The following ARHGEF15 variants were observed in gnomAD, a reference collection of about 807,000 sequenced individuals.
The protein encoded by ARHGEF15 is Rho guanine nucleotide exchange factor 15.
ARHGEF15 carries 58 observed loss-of-function variants against 79.7 expected under a neutral mutation model. That is an observed-to-expected ratio of 0.73 (90% CI 0.59 to 0.91). The LOEUF (loss-of-function observed/expected upper bound fraction) is 0.91, where lower values mean the gene tolerates loss of function less well. Ranked by LOEUF, ARHGEF15 falls within the 40% of genes least tolerant of loss-of-function variation. The pLI is 0.00. For synonymous variants in ARHGEF15, 442 were observed against 456.0 expected (o/e 0.97, Z 0.39); for missense variants, 1,012 against 1,108.1 (o/e 0.91, Z 1.23).
rs1171266003 is a variant in ARHGEF15 at position 8,316,771 on chromosome 17, TTCCTCC to T, written c.1704+635_1704+640del. ...AAAGTTTGAGATTTGAGACACTTTC[TTCCTCC>T]TCCTCCTCCTCTTCTCCATCTCCTT... is the stretch of plus-strand genomic sequence containing the variant. On this transcript the variant is annotated intron_variant, in intron 9 of 15. Transcript: ENST00000361926. 7.2e-5 allele frequency among the ~76,000 whole-genome samples: 11 copies of T among 152,194 alleles called. 1 individual carries two copies. The East Asian group carries it at 2.1e-3, about 29-fold the overall frequency.
In ARHGEF15 at chr17:8,318,775, G is replaced by C; in HGVS notation, c.1898G>C (p.Arg633Pro). ...GCCCTGCCCCTGGTCTCCTGGTCAC[G>C]GCGCCTGGAATTCCAGGGAGAGCTG... ...VKALPLVSWS[R>P]RLEFQGELTE... Residue 633 changes from arginine (R) to proline (P), a missense_variant, in exon 12 of 16, where the codon CGG (arginine) becomes CCG (proline). Around this residue, in one of 3 missense-constraint regions of ARHGEF15, gnomAD observed 818 missense variants for 882.5 expected, o/e 0.93. Transcript: ENST00000361926. This position sits in a 1 kb window ranked among gnomAD's most constrained non-coding sequence, Gnocchi z 5.0. The C allele has an allele frequency of 6.2e-7, 1 of 1,613,172 alleles. No individual in the cohort carries two copies. Among genetic ancestry groups the C allele is most frequent in the Non-Finnish European group, 8.5e-7 (1 of 1,179,906 alleles).
At position 8,319,315 on chromosome 17, in the gene ARHGEF15, A is replaced by G; in HGVS notation, c.2190A>G (p.Ser730=). Residue 730 remains serine (S), a synonymous_variant, in exon 14 of 16, where the codon TCA becomes TCG. Coordinates refer to ENST00000361926, the MANE Select transcript of ARHGEF15 (RefSeq NM_173728.4). ...CACTTCCCAATATCCCCACCAGATC[A>G]GACATGCAGCGCTGGCTGGGAGCCT... ...THRLLQASSL[S]DMQRWLGAFP... The G allele has an allele frequency of 6.2e-7, 1 of 1,613,888 alleles. No homozygotes were observed. The highest frequency in any genetic ancestry group is 8.5e-7 in the Non-Finnish European group (1 of 1,179,938).
chr17:8,312,494 G>T lies in ARHGEF15; in HGVS notation c.455G>T (p.Arg152Met). 6.2e-7 allele frequency: 1 copy of T among 1,613,006 alleles called. No individual in the cohort carries two copies. Among genetic ancestry groups the T allele is most frequent in the Non-Finnish European group, 8.5e-7 (1 of 1,179,640 alleles). The change falls in exon 2 of 16, where the codon AGG (arginine) becomes ATG (methionine). Residue 152 changes from arginine to methionine, a missense_variant. By Grantham distance (91) the Arg-to-Met change is moderately conservative. Around this residue, in one of 3 missense-constraint regions of ARHGEF15, gnomAD observed 818 missense variants for 882.5 expected, o/e 0.93. Coordinates refer to ENST00000361926, the MANE Select transcript of ARHGEF15 (RefSeq NM_173728.4). Reference sequence around the variant, plus strand: ...GCCTCAGCTCCTGGCACTGTGCGGAGGCTGGCTGGCAGGTTTGAAGGGGGT... The same window carrying T: ...GCCTCAGCTCCTGGCACTGTGCGGATGCTGGCTGGCAGGTTTGAAGGGGGT... The part of the protein sequence containing the change: ...GSASAPGTVR[R>M]LAGRFEGGAE...
chr17:8,318,358 G>T lies in ARHGEF15; in HGVS notation c.1705-29G>T. Reference sequence around the variant, plus strand: ...GAATCCCAGGGCCACAGAGCAGGGGGCCCAGTCACCCTTCCTCCTTGTCCC... The same window carrying T: ...GAATCCCAGGGCCACAGAGCAGGGGTCCCAGTCACCCTTCCTCCTTGTCCC... On this transcript the variant is annotated intron_variant, in intron 9 of 15. Transcript: ENST00000361926. The surrounding 1 kb of genome is among the most constrained non-coding windows in gnomAD (Gnocchi z 5.0). The T allele has an allele frequency of 6.2e-7, 1 of 1,607,216 alleles. No individual in the cohort carries two copies. Among genetic ancestry groups the T allele is most frequent in the Non-Finnish European group, 8.5e-7 (1 of 1,176,260 alleles).
In ARHGEF15 at chr17:8,318,278, C is replaced by T. The variant is rs1030939471; in HGVS notation, c.1705-109C>T. On this transcript the variant is annotated intron_variant, in intron 9 of 15. Coordinates refer to ENST00000361926, the MANE Select transcript of ARHGEF15 (RefSeq NM_173728.4). The surrounding 1 kb of genome is among the most constrained non-coding windows in gnomAD (Gnocchi z 5.0). ...GCAGATGGTGAGTGATGAGGTCTGT[C>T]AGCCTTGTTGAAACTGGCTGAAACA... 36 of 1,055,230 alleles carry T rather than the reference C, an allele frequency of 3.4e-5. No individual in the cohort carries two copies. In the African/African-American group the frequency reaches 4.6e-4, roughly 14 times the overall value. 65.4% of individuals were successfully genotyped at this position (1,055,230 alleles called of 1,614,324 possible). A position where few individuals can be genotyped will look rare whatever the true frequency, so the allele number is the denominator to read the frequency against.
intron 2 of ARHGEF15, 127 bp from the exon 3 acceptor site, chr17:8,312,795 G>A: frequency 2.6e-6 from 4 of 1,562,434 alleles, no homozygotes; most frequent in East Asian, 4.5e-5. Flanking sequence ...GAGTCAGGGT[G>A]GAGGAGATCT....
At chr17:8,319,633 T>G in intron 15 of ARHGEF15, 30 bp downstream of exon 15, 2 of 1,461,252 alleles carry the variant, frequency 1.4e-6, no homozygotes, top group Non-Finnish European at 1.8e-6. Flanking sequence ...ATTTATTTTG[T>G]ATTTATTATT....
intron 14 of ARHGEF15, 36 bp from the exon 15 acceptor site, chr17:8,319,463 A>T: frequency 6.3e-7 from 1 of 1,592,208 alleles, no homozygotes; most frequent in Non-Finnish European, 8.6e-7. Flanking sequence ...GGAGAAGCTA[A>T]ACAGAATCAC....
In ARHGEF15 at chr17:8,321,081, TC is replaced by T. The variant is rs1337098726; in HGVS notation, c.*89del. The T allele has an allele frequency of 2.6e-6, 4 of 1,546,816 alleles. No homozygotes were observed. The African/African-American group carries it at 5.4e-5, about 21-fold the overall frequency. ...GCCCATTCATCCATTGGATTCACTG[TC>T]AGTGGAGATACTACCTCTCGTGGCA... On this transcript the variant is annotated 3_prime_UTR_variant, in exon 16 of 16. Transcript: ENST00000361926.
chr17:8,318,465 G>A lies in ARHGEF15; in HGVS notation c.1779+4G>A. 6.2e-7 allele frequency: 1 copy of A among 1,614,078 alleles called. No individual in the cohort carries two copies. On this transcript the variant is annotated splice_donor_region_variant and intron_variant, in intron 10 of 15. Coordinates refer to ENST00000361926, the MANE Select transcript of ARHGEF15 (RefSeq NM_173728.4). The surrounding 1 kb of genome is among the most constrained non-coding windows in gnomAD (Gnocchi z 5.0). ...GGCCCTGGGTGCTGTCAGCAAGGTG[G>A]GCAGTGGGGAAGCTGAAGCAGGGGG... is the stretch of plus-strand genomic sequence containing the variant.
In ARHGEF15 at chr17:8,313,043, C is replaced by A; in HGVS notation, c.723C>A (p.Ala241=). Residue 241 remains alanine (A), a synonymous_variant, in exon 3 of 16, where the codon GCC becomes GCA. Transcript: ENST00000361926. ...YEEVPRVPRR[A]SPLRTSRSRP... ...AGGTCCCCAGGGTCCCCCGTCGGGC[C>A]TCCCCGCTGCGGACCTCTCGCTCCC... The A allele has an allele frequency of 1.2e-6, 2 of 1,613,554 alleles. No individual in the cohort carries two copies. The highest frequency in any genetic ancestry group is 1.7e-6 in the Non-Finnish European group (2 of 1,179,838).
Position 8,315,434 on chromosome 17 carries a change from G to C in ARHGEF15, c.1281G>C (p.Thr427=). The part of the protein sequence containing the change: ...RMQESLFEVV[T]SEASYLRSLR... ...TCTAGAGTCTTTTCGAGGTGGTGAC[G>C]TCCGAGGCTTCCTACCTGCGCTCCC... Residue 427 remains threonine, a synonymous_variant, in exon 7 of 16, where the codon ACG becomes ACC. Transcript: ENST00000361926. The surrounding 1 kb of genome is among the most constrained non-coding windows in gnomAD (Gnocchi z 4.3). 4 of 1,613,916 alleles carry C rather than the reference G, an allele frequency of 2.5e-6. No individual in the cohort carries two copies. Among genetic ancestry groups the C allele is most frequent in the South Asian group, 2.2e-5 (2 of 91,070 alleles).
intron 9 of ARHGEF15, among the ~76,000 whole-genome samples, chr17:8,317,407 G>T (rs763468879): frequency 6.6e-6 from 1 of 152,064 alleles, no homozygotes; most frequent in East Asian, 1.9e-4. Context: ...GTGAATGAGG[G>T]GATCTTTATG....
Position 8,312,326 on chromosome 17 carries a change from G to A in ARHGEF15, c.287G>A (p.Ser96Asn). ...DSQTSPDSPS[S>N]TPTPSPVSRR... ...CAGACTTCCCCAGACTCACCTTCCA[G>A]CACCCCCACACCTAGTCCAGTGTCC... The change falls in exon 2 of 16, where the codon AGC becomes AAC. Residue 96 changes from serine (S) to asparagine (N), a missense_variant. This residue lies in a region of ARHGEF15 where 818 missense variants were observed against 882.5 expected (regional missense o/e 0.93). Transcript: ENST00000361926. The A allele has an allele frequency of 6.4e-7, 1 of 1,571,350 alleles. No individual in the cohort carries two copies. Among genetic ancestry groups the A allele is most frequent in the Non-Finnish European group, 8.6e-7 (1 of 1,159,546 alleles).
chr17:8,312,305 C>T lies in ARHGEF15; in HGVS notation c.266C>T (p.Thr89Ile). 1 of 1,560,772 alleles carries T rather than the reference C, an allele frequency of 6.4e-7. No homozygotes were observed. The highest frequency in any genetic ancestry group is 8.7e-7 in the Non-Finnish European group (1 of 1,152,794). Residue 89 changes from threonine (T) to isoleucine (I), a missense_variant, in exon 2 of 16, where the codon ACT (threonine) becomes ATT (isoleucine). Transcript: ENST00000361926. ...SASRASLDSQ[T>I]SPDSPSSTPT... ...TCTAGAGCCAGCCTCGACTCCCAGA[C>T]TTCCCCAGACTCACCTTCCAGCACC...
At chr17:8,320,008 G>A (rs763236568) in intron 15 of ARHGEF15, among the ~76,000 whole-genome samples, 2 of 150,338 alleles carry the variant, frequency 1.3e-5, no homozygotes, top group Admixed American at 6.6e-5. Flanking sequence ...TTGAACTCCC[G>A]AGCTCAAGTG....
rs770046438 is a variant in ARHGEF15, at chr17:8,313,550, G to C, written c.984G>C (p.Glu328Asp). The C allele has an allele frequency of 3.1e-6, 5 of 1,613,528 alleles. No individual in the cohort carries two copies. The South Asian group carries it at 4.4e-5, about 14-fold the overall frequency. ...AGAATACTCCTCCAGCAACTGTGGA[G>C]GGGAGGTACTGAACACCCCCACCCC... is the stretch of plus-strand genomic sequence containing the variant. ...APQNTPPATV[E>D]GREEEGLEVL... is the part of the protein sequence containing the mutation. The change falls in exon 4 of 16, where the codon GAG (glutamate) becomes GAC (aspartate). Residue 328 changes from glutamate to aspartate, a missense_variant. Around this residue, in one of 3 missense-constraint regions of ARHGEF15, gnomAD observed 818 missense variants for 882.5 expected, o/e 0.93. Coordinates refer to ENST00000361926, the MANE Select transcript of ARHGEF15 (RefSeq NM_173728.4).
intron 4 of ARHGEF15, 79 bp from the exon 5 acceptor site, chr17:8,314,827 G>T: frequency 6.4e-7 from 1 of 1,572,500 alleles, no homozygotes; most frequent in African/African-American, 1.4e-5. Context: ...GGGTTGCCCT[G>T]TCCAGCATGA....
At position 8,320,823 on chromosome 17, in the gene ARHGEF15, T is replaced by C; in HGVS notation, c.2375-19T>C. On this transcript the variant is annotated intron_variant, in intron 15 of 15. Transcript: ENST00000361926. Reference sequence around the variant, plus strand: ...TCCCTGCCCCCACCTCATTGGAGCCTCTGTCTCTCTTCCCCCAGGTTGGCT... The same window carrying C: ...TCCCTGCCCCCACCTCATTGGAGCCCCTGTCTCTCTTCCCCCAGGTTGGCT... The C allele has an allele frequency of 6.2e-7, 1 of 1,611,364 alleles. No individual in the cohort carries two copies. Among genetic ancestry groups the C allele is most frequent in the South Asian group, 1.1e-5 (1 of 90,950 alleles).
Sources: gnomAD v4.1 joint callset for allele counts (sites outside exome capture counted in the v4.1 genomes callset) on GRCh38, gnomAD v4.1.1 for gene constraint, gnomAD v4.1.1 regional missense constraint, Gnocchi (gnomAD v3.1) non-coding constraint, MANE v1.5 for transcripts, NCBI Gene and HGNC (gene_info 2026-07-23, HGNC 2026-07-21) for gene names.